Variants in ATP5MF observed in about 807,000 individuals in gnomAD.
The protein encoded by ATP5MF is ATP synthase F(0) complex subunit f, mitochondrial.
In ATP5MF, 10 loss-of-function variants were observed where a neutral mutation model predicts 13.8. The observed-to-expected ratio is 0.72, with a 90% confidence interval of 0.45 to 1.23. The LOEUF (loss-of-function observed/expected upper bound fraction) is 1.23, where lower values mean the gene tolerates loss of function less well. ATP5MF is among the 50% of genes most tolerant of loss of function. ATP5MF has a pLI of 0.00. For synonymous variants in ATP5MF, 40 were observed against 45.8 expected (o/e 0.87, Z 0.51); for missense variants, 122 against 118.2 (o/e 1.03, Z -0.15).
intron 1 of ATP5MF, among the ~76,000 whole-genome samples, chr7:99,462,845 T>C (rs1356807815): frequency 1.3e-5 from 2 of 152,032 alleles, no homozygotes; most frequent in African/African-American, 4.8e-5. Flanking sequence ...CTATTGGAAC[T>C]CCCACCCCAA....
At chr7:99,462,111 T>G (rs1437672779) in intron 1 of ATP5MF, among the ~76,000 whole-genome samples, 1 of 151,978 alleles carries the variant, frequency 6.6e-6, no homozygotes, top group Non-Finnish European at 1.5e-5. Context: ...TTGTTTTTCT[T>G]CCTAGTTCTA....
chr7:99,463,038 T>C (rs1487808529), intron 1 of ATP5MF, among the ~76,000 whole-genome samples: 1 of 152,254 alleles, frequency 6.6e-6, no homozygotes, highest in African/African-American at 2.4e-5. Flanking sequence ...AGTTTCCTCC[T>C]TTGTGAAATC....
chr7:99,465,230 C>A (rs1181877114), intron 1 of ATP5MF, among the ~76,000 whole-genome samples: 1 of 151,684 alleles, frequency 6.6e-6, no homozygotes, highest in Admixed American at 6.6e-5. Flanking sequence ...TTGCACTCCA[C>A]CCTGGGCGAC....
At position 99,462,847 on chromosome 7, in the gene ATP5MF, C is replaced by G. The variant is rs73399493; in HGVS notation, c.32-2654G>C. On this transcript the variant is annotated intron_variant, in intron 1 of 3. Coordinates refer to ENST00000292475, the MANE Select transcript of ATP5MF (RefSeq NM_004889.5). ...GTCCTTGGTTGCCCTATTGGAACTC[C>G]CACCCCAACTCTACACACACCCGCT... 8.1e-3 allele frequency among the ~76,000 whole-genome samples: 1,229 copies of G among 152,196 alleles called. 22 individuals are homozygous for G. The highest frequency in any genetic ancestry group is 0.028 in the African/African-American group (1,176 of 41,512).
intron 2 of ATP5MF, 116 bp downstream of exon 2, chr7:99,459,970 A>G: frequency 8.2e-7 from 1 of 1,221,748 alleles, no homozygotes; most frequent in Non-Finnish European, 1.1e-6. Flanking sequence ...CATCCTCTAC[A>G]TAACTTACTG....
chr7:99,460,517 A>G (rs778779650), intron 1 of ATP5MF: 1 of 574,936 alleles, frequency 1.7e-6, no homozygotes, highest in Non-Finnish European at 3.4e-6. Flanking sequence ...CAAAGCTAAC[A>G]TTTACTTGAC....
chr7:99,464,073 A>C (rs1440764588), intron 1 of ATP5MF, among the ~76,000 whole-genome samples: 1 of 152,204 alleles, frequency 6.6e-6, no homozygotes, highest in Non-Finnish European at 1.5e-5. Context: ...GACCCTGCCT[A>C]AAGGTCACAA....
intron 3 of ATP5MF, 117 bp from the exon 4 acceptor site, chr7:99,458,472 C>T: frequency 9.3e-7 from 1 of 1,076,402 alleles, no homozygotes; most frequent in South Asian, 1.6e-5. Flanking sequence ...TCAGAGATGA[C>T]CCATGACCCG....
In ATP5MF at chr7:99,458,305, G is replaced by C. The variant is rs764919414; in HGVS notation, c.*22C>G. ...GGCTCGGGCCAAGGTCGTGGGGTGG[G>C]GGGGTGCAGAGTGTGTCCTCTTCAG... On this transcript the variant is annotated 3_prime_UTR_variant, in exon 4 of 4. Transcript: ENST00000292475. 1.9e-6 allele frequency: 3 copies of C among 1,608,724 alleles called. No individual in the cohort carries two copies. The highest frequency in any genetic ancestry group is 2.2e-5 in the East Asian group (1 of 44,700).
chr7:99,466,050 G>T lies in ATP5MF; in HGVS notation c.31+61C>A, dbSNP rs1407397752. 1.9e-6 allele frequency: 3 copies of T among 1,612,576 alleles called. No homozygotes were observed. The African/African-American group carries it at 4.0e-5, about 22-fold the overall frequency. On this transcript the variant is annotated intron_variant, in intron 1 of 3. Coordinates refer to ENST00000292475, the MANE Select transcript of ATP5MF (RefSeq NM_004889.5). ...AGCTCCGCAGCTTCCTTCTCTCCCA[G>T]TGTGGCTCTGGACCCTGGACCCTGG...
chr7:99,466,156 G>C lies in ATP5MF; in HGVS notation c.-15C>G. The C allele has an allele frequency of 6.2e-7, 1 of 1,614,190 alleles. No individual in the cohort carries two copies. Among genetic ancestry groups the C allele is most frequent in the Non-Finnish European group, 8.5e-7 (1 of 1,180,032 alleles). On this transcript the variant is annotated 5_prime_UTR_variant, in exon 1 of 4. Transcript: ENST00000292475. ...ACTGACGCCATTTTGGAGTCCTGGT[G>C]TCCGCTGTGCCGGACCGCGCGAGGG... is the stretch of plus-strand genomic sequence containing the variant.
Position 99,458,265 on chromosome 7 carries a change from T to C in ATP5MF, c.*62A>G. On this transcript the variant is annotated 3_prime_UTR_variant, in exon 4 of 4. Coordinates refer to ENST00000292475, the MANE Select transcript of ATP5MF (RefSeq NM_004889.5). ...AAGGATTCAGCAACGATTGAGATTG[T>C]GTTCCTCACGGAGGGGCTCGGGCCA... is the stretch of plus-strand genomic sequence containing the variant. 3 of 1,517,520 alleles carry C rather than the reference T, an allele frequency of 2.0e-6. No individual in the cohort carries two copies. The highest frequency in any genetic ancestry group is 2.7e-6 in the Non-Finnish European group (3 of 1,105,894). The allele number at this position is 1,517,520 out of a possible 1,614,324, so 94.0% of individuals were successfully genotyped here.
At chr7:99,464,985 C>T (rs1221982995) in intron 1 of ATP5MF, among the ~76,000 whole-genome samples, 3 of 150,800 alleles carry the variant, frequency 2.0e-5, no homozygotes, top group Non-Finnish European at 4.4e-5. Flanking sequence ...AATACAGAAA[C>T]GCAGTGGCTC....
chr7:99,459,258 AGTAACCT>A lies in ATP5MF; in HGVS notation c.140-2_144del. ...TTGATGTACTTGTTGTAGTACCGGTAGTAACCTGCAAACGCAAGAGGCGCTCACTGCC... is the reference window on the plus strand; with the variant it reads ...TTGATGTACTTGTTGTAGTACCGGTAGCAAACGCAAGAGGCGCTCACTGCC... On this transcript the variant is annotated splice_acceptor_variant and coding_sequence_variant, in exon 3 of 4. Transcript: ENST00000292475. LOFTEE classifies it high-confidence loss of function. 1.2e-6 allele frequency: 2 copies of A among 1,612,890 alleles called. No homozygotes were observed. The highest frequency in any genetic ancestry group is 1.7e-6 in the Non-Finnish European group (2 of 1,178,832).
intron 2 of ATP5MF, 100 bp downstream of exon 2, chr7:99,459,986 A>G (rs2151026139): frequency 7.4e-7 from 1 of 1,354,584 alleles, no homozygotes; most frequent in Admixed American, 2.3e-5. Context: ...TACTGCTTTC[A>G]GACAACAAGG....
At chr7:99,462,288 T>TAAA (rs755455949) in intron 1 of ATP5MF, among the ~76,000 whole-genome samples, 441 of 30,896 alleles carry the variant, frequency 0.014, 35 homozygotes, top group African/African-American at 0.051. Context: ...CCATCACTAC[T>TAAA]AAAAAAAAAA....
intron 1 of ATP5MF, among the ~76,000 whole-genome samples, 195 bp downstream of exon 1, chr7:99,465,916 C>G (rs1343826231): frequency 1.3e-5 from 2 of 152,224 alleles, no homozygotes; most frequent in African/African-American, 4.8e-5. Context: ...CCACGCCTAA[C>G]CCGGTTGGCG....
intron 1 of ATP5MF, among the ~76,000 whole-genome samples, chr7:99,463,283 G>A (rs1798697419): frequency 6.6e-6 from 1 of 152,218 alleles, no homozygotes; most frequent in African/African-American, 2.4e-5. Context: ...GTTGTCCAGA[G>A]AATAAAGATT....
At chr7:99,458,782 C>G (rs541172963) in intron 3 of ATP5MF, among the ~76,000 whole-genome samples, 4 of 152,288 alleles carry the variant, frequency 2.6e-5, no homozygotes, top group East Asian at 3.9e-4. Flanking sequence ...AGAGCCGGAA[C>G]AGCCATGCTT....
Sources: allele counts gnomAD v4.1 joint callset (sites outside exome capture counted in the v4.1 genomes callset), GRCh38; gene constraint gnomAD v4.1.1; transcripts MANE v1.5; gene names NCBI Gene and HGNC (gene_info 2026-07-23, HGNC 2026-07-21).